EIF3A: variants seen among roughly 807,000 people sequenced by gnomAD.
EIF3A encodes EIF3, p180 subunit.
A neutral mutation model predicts 186.6 loss-of-function variants in EIF3A; 21 were observed. The ratio of observed to expected loss-of-function variants is 0.11; its 90% CI spans 0.08 to 0.16. EIF3A has a LOEUF of 0.16. Among genes scored for constraint, EIF3A ranks in the 10% least tolerant of loss-of-function variants. The pLI, the probability that EIF3A is intolerant of heterozygous loss-of-function variation, is 1.00. For synonymous variants in EIF3A, 563 were observed against 584.3 expected (o/e 0.96, Z 0.52); for missense variants, 1,306 against 1,796.3 (o/e 0.73, Z 4.93).
In EIF3A at chr10:119,080,738, G is replaced by C. The variant is rs77640228; in HGVS notation, c.-62C>G. 6,431 of 1,543,706 alleles carry C rather than the reference G, an allele frequency of 4.2e-3. 129 individuals carry two copies. The East Asian group carries it at 0.059, about 14-fold the overall frequency. On this transcript the variant is annotated 5_prime_UTR_variant, in exon 1 of 22. Coordinates refer to ENST00000369144, the MANE Select transcript of EIF3A (RefSeq NM_003750.4). ...CTCTCTAGTGGCCCGGGCCGGGAGA[G>C]GAGACGAAGGGGAACCAGCGTAAGG...
Position 119,033,715 on chromosome 10 carries a change from AATT to A in EIF3A, c.*2321_*2323del, listed in dbSNP as rs1848086460. ...ATTAAACCAAAATTATACATATTAAAATTATATCACAAATATATATGCTTCCAG... is the reference window on the plus strand; with the variant it reads ...ATTAAACCAAAATTATACATATTAAAATATCACAAATATATATGCTTCCAG... On this transcript the variant is annotated 3_prime_UTR_variant, in exon 22 of 22. Transcript: ENST00000369144. 6.0e-6 allele frequency: 1 copy of A among 166,864 alleles called. No individual in the cohort carries two copies. The highest frequency in any genetic ancestry group is 1.5e-5 in the Non-Finnish European group (1 of 68,114). The allele number at this position is 166,864 out of a possible 1,614,324, so 10.3% of individuals were successfully genotyped here.
At chr10:119,071,208 C>CT in intron 4 of EIF3A, 123 bp from the exon 5 acceptor site, 1 of 701,706 alleles carries the variant, frequency 1.4e-6, no homozygotes, top group Non-Finnish European at 2.4e-6. Context: ...CATCATTAGT[C>CT]TTTGTGATGC....
chr10:119,079,347 G>A lies in EIF3A; in HGVS notation c.49+1281C>T, dbSNP rs569303809. On this transcript the variant is annotated intron_variant, in intron 1 of 21. Transcript: ENST00000369144. ...GTTACTTTTACTTTAAAAAGTATAT[G>A]ACCAACATATCTCTGGTTCTGCCAA... is the stretch of plus-strand genomic sequence containing the variant. Among the ~76,000 whole-genome samples, 73 of 152,128 alleles carry A rather than the reference G, an allele frequency of 4.8e-4. 1 individual carries two copies. Among genetic ancestry groups the A allele is most frequent in the Non-Finnish European group, 9.7e-4 (66 of 68,032 alleles).
rs1401879322 is a variant in EIF3A, at chr10:119,034,863, C to T, written c.*1176G>A. 2 of 152,208 alleles carry T rather than the reference C, an allele frequency of 1.3e-5. No individual in the cohort carries two copies. Among genetic ancestry groups the T allele is most frequent in the Admixed American group, 1.3e-4 (2 of 15,268 alleles). 9.4% of individuals were successfully genotyped at this position (152,208 alleles called of 1,614,324 possible). On this transcript the variant is annotated 3_prime_UTR_variant, in exon 22 of 22. Transcript: ENST00000369144. ...GAATTCCTGCATTAACAAAGGAAGA[C>T]ATGTTAGGGGGACATCCTAGCCACA...
chr10:119,056,605 C>T, intron 14 of EIF3A, 135 bp downstream of exon 14: 1 of 594,740 alleles, frequency 1.7e-6, no homozygotes, highest in South Asian at 2.5e-5. Context: ...TTCTACCAAT[C>T]TGTTCATAGG....
rs1844103775 is a variant in EIF3A at position 119,073,053 on chromosome 10, A to G, written c.378T>C (p.Ser126=). ...CACCACTTACAGCACTTAGGAGAAC[A>G]CTACAAAGAAAAAAATGTTGAAAAC... ...EDLDNIQTPE[S]VLLSAVSGED... Residue 126 remains serine (S), a splice_region_variant and synonymous_variant, in exon 4 of 22, where the codon AGT becomes AGC. Transcript: ENST00000369144. The G allele has an allele frequency of 6.3e-7, 1 of 1,590,390 alleles. No homozygotes were observed. The highest frequency in any genetic ancestry group is 8.5e-7 in the Non-Finnish European group (1 of 1,173,098).
At chr10:119,080,176 G>A (rs1050612932) in intron 1 of EIF3A, among the ~76,000 whole-genome samples, 6 of 152,192 alleles carry the variant, frequency 3.9e-5, no homozygotes, top group Non-Finnish European at 8.8e-5. Flanking sequence ...CCGGGCAGGA[G>A]GTGGAGCCGA....
chr10:119,069,503 C>T lies in EIF3A; in HGVS notation c.893G>A (p.Arg298His), dbSNP rs931360270. The T allele has an allele frequency of 1.1e-5, 18 of 1,587,218 alleles. No individual in the cohort carries two copies. Among genetic ancestry groups the T allele is most frequent in the Non-Finnish European group, 1.6e-5 (18 of 1,155,624 alleles). Residue 298 changes from arginine (R) to histidine (H), a missense_variant, in exon 6 of 22, where the codon CGT (arginine) becomes CAT (histidine). Physicochemically the swap from Arg to His is conservative, Grantham distance 29. Around this residue, in one of 8 missense-constraint regions of EIF3A, gnomAD observed 267 missense variants for 367.8 expected, o/e 0.73. Coordinates refer to ENST00000369144, the MANE Select transcript of EIF3A (RefSeq NM_003750.4). ...CATTTCTCTAGAGAGATGGTAAAGACGATGGAGTGTAGATGCATGAAAAAG... is the reference window on the plus strand; with the variant it reads ...CATTTCTCTAGAGAGATGGTAAAGATGATGGAGTGTAGATGCATGAAAAAG... Reference protein sequence around the residue: ...NALFHASTLHRLYHLSREMRK... With the variant: ...NALFHASTLHHLYHLSREMRK...
At position 119,071,097 on chromosome 10, in the gene EIF3A, AT is replaced by A. The variant is rs751303027; in HGVS notation, c.542-13del. On this transcript the variant is annotated splice_polypyrimidine_tract_variant and intron_variant, in intron 4 of 21. Transcript: ENST00000369144. ...GCAGAATTTGAAAGCTATAAGCATA[AT>A]TGTAAAATATATTAGGTACCTTCCA... The A allele has an allele frequency of 1.3e-6, 2 of 1,582,348 alleles. No homozygotes were observed. The highest frequency in any genetic ancestry group is 4.5e-5 in the East Asian group (2 of 44,706).
rs148022210 is a variant in EIF3A at position 119,054,813 on chromosome 10, T to G, written c.2196+1927A>C. ...TTTCAACATGCCTTCCTCACTAAGC[T>G]TAATCATTTCTAGCATTTGATTTAA... On this transcript the variant is annotated intron_variant, in intron 14 of 21. Coordinates refer to ENST00000369144, the MANE Select transcript of EIF3A (RefSeq NM_003750.4). Among the ~76,000 whole-genome samples, 306 of 152,328 alleles carry G rather than the reference T, an allele frequency of 2.0e-3. 3 individuals are homozygous for G. Among genetic ancestry groups the G allele is most frequent in the African/African-American group, 7.1e-3 (296 of 41,574 alleles).
At chr10:119,068,184 A>G (rs1274614439) in intron 6 of EIF3A, among the ~76,000 whole-genome samples, 2 of 152,180 alleles carry the variant, frequency 1.3e-5, no homozygotes, top group Non-Finnish European at 2.9e-5. Flanking sequence ...ATGGAAGACT[A>G]TGCCTTCGGG....
intron 16 of EIF3A, among the ~76,000 whole-genome samples, 199 bp from the exon 17 acceptor site, chr10:119,050,184 C>A (rs1848337588): frequency 6.6e-6 from 1 of 152,124 alleles, no homozygotes; most frequent in South Asian, 2.1e-4. Context: ...TAATAAGATA[C>A]TAGAATCCCT....
At chr10:119,058,331 T>C (rs1204135061) in intron 11 of EIF3A, 28 bp from the exon 12 acceptor site, 14 of 1,472,098 alleles carry the variant, frequency 9.5e-6, no homozygotes, top group Non-Finnish European at 1.3e-5. Context: ...TTTTTTTACA[T>C]GACCAAAATT....
intron 16 of EIF3A, among the ~76,000 whole-genome samples, 195 bp downstream of exon 16, chr10:119,050,326 T>C (rs910504410): frequency 6.6e-6 from 1 of 152,166 alleles, no homozygotes; most frequent in Non-Finnish European, 1.5e-5. Context: ...TAGAAGAACA[T>C]CAAATGTGTG....
At position 119,038,340 on chromosome 10, in the gene EIF3A, C is replaced by T; in HGVS notation, c.3626G>A (p.Arg1209Lys). The T allele has an allele frequency of 6.2e-7, 1 of 1,614,150 alleles. No individual in the cohort carries two copies. Among genetic ancestry groups the T allele is most frequent in the African/African-American group, 1.3e-5 (1 of 75,048 alleles). Residue 1209 changes from arginine to lysine, a missense_variant, in exon 20 of 22, where the codon AGG becomes AAG. Coordinates refer to ENST00000369144, the MANE Select transcript of EIF3A (RefSeq NM_003750.4). Reference sequence around the variant, plus strand: ...CTCCCGATCTTGATTATCTCTGTCCCTTTCTTTTTCTCTGTCCCATTCACG... The same window carrying T: ...CTCCCGATCTTGATTATCTCTGTCCTTTTCTTTTTCTCTGTCCCATTCACG... ...EEREWDREKE[R>K]DRDNQDREEN... is the part of the protein sequence containing the mutation.
At position 119,037,103 on chromosome 10, in the gene EIF3A, T is replaced by C. The variant is rs369776302; in HGVS notation, c.3919+16A>G. On this transcript the variant is annotated intron_variant, in intron 21 of 21. Coordinates refer to ENST00000369144, the MANE Select transcript of EIF3A (RefSeq NM_003750.4). ...CGACAGTTCTCCAATACTTCAGTTG[T>C]ATGTAACCTCTATACCTTCTTCACG... The C allele has an allele frequency of 1.0e-5, 12 of 1,170,146 alleles. No individual in the cohort carries two copies. The African/African-American group carries it at 1.9e-4, about 19-fold the overall frequency. The allele number at this position is 1,170,146 out of a possible 1,614,324, so 72.5% of individuals were successfully genotyped here. A position where few individuals can be genotyped will look rare whatever the true frequency, so the allele number is the denominator to read the frequency against.
intron 7 of EIF3A, among the ~76,000 whole-genome samples, chr10:119,062,711 G>C (rs905097345): frequency 6.8e-6 from 1 of 147,018 alleles, no homozygotes; most frequent in Admixed American, 6.8e-5. Context: ...ACAACATATT[G>C]CAGTATATTA....
chr10:119,041,904 G>GA, intron 19 of EIF3A, 90 bp downstream of exon 19: 1 of 1,371,540 alleles, frequency 7.3e-7, no homozygotes, highest in South Asian at 1.4e-5. Flanking sequence ...AGTTTATCTG[G>GA]AAAATAACAA....
intron 17 of EIF3A, among the ~76,000 whole-genome samples, chr10:119,046,141 C>T (rs771154380): frequency 6.6e-6 from 1 of 152,156 alleles, no homozygotes; most frequent in Non-Finnish European, 1.5e-5. Context: ...TATCTAAACA[C>T]AGTCTTAGGG....
Sources: gnomAD v4.1 joint callset for allele counts (sites outside exome capture counted in the v4.1 genomes callset) on GRCh38, gnomAD v4.1.1 for gene constraint, gnomAD v4.1.1 regional missense constraint, MANE v1.5 for transcripts, NCBI Gene and HGNC (gene_info 2026-07-23, HGNC 2026-07-21) for gene names.